DNA2: variants seen among roughly 807,000 people sequenced by gnomAD.
DNA2 encodes DNA replication ATP-dependent helicase/nuclease DNA2.
DNA2 carries 101 observed loss-of-function variants against 119.1 expected under a neutral mutation model. The observed-to-expected ratio is 0.85, with a 90% CI of 0.72 to 1.00. The LOEUF is 1.00. Among genes scored for constraint, DNA2 ranks in the 50% least tolerant of loss-of-function variants. DNA2 has a pLI of 0.00. For synonymous variants in DNA2, 366 were observed against 424.4 expected (o/e 0.86, Z 1.69); for missense variants, 1,121 against 1,255.5 (o/e 0.89, Z 1.62).
rs117987877 is a variant in DNA2 at position 68,414,702 on chromosome 10, A to T, written c.*337T>A. Reference sequence around the variant, plus strand: ...ACAAGACTGTGCTTAAATGATGAAAACAAATCAAATCCCTTTATTCAGTCT... The same window carrying T: ...ACAAGACTGTGCTTAAATGATGAAATCAAATCAAATCCCTTTATTCAGTCT... On this transcript the variant is annotated 3_prime_UTR_variant, in exon 21 of 21. Transcript: ENST00000358410. 1.5e-4 allele frequency: 29 copies of T among 197,196 alleles called. No homozygotes were observed. The East Asian group carries it at 3.2e-3, about 21-fold the overall frequency. The allele number at this position is 197,196 out of a possible 1,614,324, so 12.2% of individuals were successfully genotyped here.
intron 1 of DNA2, chr10:68,470,627 A>G (rs1376437122): frequency 2.2e-6 from 1 of 451,658 alleles, no homozygotes. Flanking sequence ...CGGAGAAAAA[A>G]GAAAGGAAAG....
At chr10:68,425,294 C>T (rs2051724357) in intron 14 of DNA2, among the ~76,000 whole-genome samples, 2 of 151,298 alleles carry the variant, frequency 1.3e-5, no homozygotes, top group South Asian at 4.2e-4. Context: ...CAGGGTTTCA[C>T]TATGTTGGCC....
At chr10:68,467,699 C>T (rs774216800) in intron 3 of DNA2, among the ~76,000 whole-genome samples, 2 of 152,130 alleles carry the variant, frequency 1.3e-5, no homozygotes, top group South Asian at 2.1e-4. Flanking sequence ...TACAGGTGCA[C>T]GCCACCACAC....
In DNA2 at chr10:68,470,346, A is replaced by C. The variant is rs1024936392; in HGVS notation, c.75-183T>G. The stretch of plus-strand genomic sequence containing the variant: ...GCAAAGACACAGAAGAATTCCTATT[A>C]TAAAAACTTCCCAGAAGTAATGCCA... On this transcript the variant is annotated intron_variant, in intron 1 of 20. Transcript: ENST00000358410. 4 of 545,216 alleles carry C rather than the reference A, an allele frequency of 7.3e-6. No homozygotes were observed. In the African/African-American group the frequency reaches 7.6e-5, roughly 10 times the overall value. 33.8% of individuals were successfully genotyped at this position (545,216 alleles called of 1,614,324 possible). A position where few individuals can be genotyped will look rare whatever the true frequency, so the allele number is the denominator to read the frequency against.
In DNA2 at chr10:68,460,129, CAG is replaced by C. The variant is rs562620886; in HGVS notation, c.588-896_588-895del. Among the ~76,000 whole-genome samples, 55 of 151,276 alleles carry C rather than the reference CAG, an allele frequency of 3.6e-4. 1 individual carries two copies. The South Asian group carries it at 0.011, about 30-fold the overall frequency. ...TCTTTTCTTTTTTTATTTTTTGAGACAGGGTCTCACGCTGTCACCCAGGCTGG... is the reference window on the plus strand; with the variant it reads ...TCTTTTCTTTTTTTATTTTTTGAGACGGTCTCACGCTGTCACCCAGGCTGG... On this transcript the variant is annotated intron_variant, in intron 4 of 20. Coordinates refer to ENST00000358410, the MANE Select transcript of DNA2 (RefSeq NM_001080449.3).
intron 17 of DNA2, among the ~76,000 whole-genome samples, 166 bp from the exon 18 acceptor site, chr10:68,420,058 T>G (rs1352985748): frequency 6.6e-6 from 1 of 152,202 alleles, no homozygotes; most frequent in Non-Finnish European, 1.5e-5. Context: ...ATTAGTCACT[T>G]TCAGAAAGCC....
At position 68,470,160 on chromosome 10, in the gene DNA2, A is replaced by C; in HGVS notation, c.78T>G (p.Phe26Leu). The C allele has an allele frequency of 6.3e-7, 1 of 1,591,624 alleles. No homozygotes were observed. The highest frequency in any genetic ancestry group is 8.5e-7 in the Non-Finnish European group (1 of 1,174,574). ...GAAAGGAAGCTACCACTTTCTTCTG[A>C]AATCTAAAGCACACACATACAAAAC... is the stretch of plus-strand genomic sequence containing the variant. Reference protein sequence around the residue: ...WEEAELPAELFQKKVVASFPR... With the variant: ...WEEAELPAELLQKKVVASFPR... Residue 26 changes from phenylalanine to leucine, a missense_variant, in exon 2 of 21, where the codon TTT (phenylalanine) becomes TTG (leucine). Phe to Leu is a conservative substitution (Grantham distance 22). Transcript: ENST00000358410.
chr10:68,438,092 A>C (rs1386342839), intron 9 of DNA2, among the ~76,000 whole-genome samples: 1 of 152,192 alleles, frequency 6.6e-6, no homozygotes, highest in African/African-American at 2.4e-5. Flanking sequence ...TTGCACCCAC[A>C]GGCTGGGATC....
chr10:68,428,346 C>T (rs920215419), intron 14 of DNA2, among the ~76,000 whole-genome samples: 15 of 151,938 alleles, frequency 9.9e-5, no homozygotes, highest in Admixed American at 9.2e-4. Flanking sequence ...AAAATTGTAT[C>T]GCCACCAAAT....
At chr10:68,428,640 A>T (rs2051774896) in intron 14 of DNA2, among the ~76,000 whole-genome samples, 1 of 152,230 alleles carries the variant, frequency 6.6e-6, no homozygotes, top group Admixed American at 6.5e-5. Flanking sequence ...ACTTGGCAAC[A>T]AAAAGGAACA....
chr10:68,472,075 C>A, upstream of DNA2: 1 of 1,580,356 alleles, frequency 6.3e-7, no homozygotes. Flanking sequence ...GGCTCTGTCC[C>A]CTGCCTTTGC....
chr10:68,430,714 A>G, intron 13 of DNA2, 54 bp from the exon 14 acceptor site: 1 of 1,283,938 alleles, frequency 7.8e-7, no homozygotes, highest in Non-Finnish European at 1.1e-6. Context: ...AATTCCAGAT[A>G]ATTTTTAACA....
intron 8 of DNA2, among the ~76,000 whole-genome samples, 192 bp downstream of exon 8, chr10:68,444,725 CAAAA>C (rs11356540): frequency 5.1e-5 from 6 of 117,908 alleles, no homozygotes; most frequent in Admixed American, 9.2e-5. Flanking sequence ...AAGTCCGTCT[CAAAA>C]AAAAAAAAAA....
chr10:68,448,967 G>GTGTGTGTGTGTGTGTGTAGTAGTTT (rs1491196026), intron 6 of DNA2, among the ~76,000 whole-genome samples: 1 of 94,344 alleles, frequency 1.1e-5, no homozygotes, highest in Non-Finnish European at 1.9e-5. Flanking sequence ...GTGTGTGTGT[G>GTGTGTGTGTGTGTGTGTAGTAGTTT]CGTGTGTGTG....
chr10:68,443,031 T>C lies in DNA2; in HGVS notation c.1301A>G (p.Lys434Arg). Residue 434 changes from lysine to arginine, a missense_variant, in exon 9 of 21, where the codon AAG (lysine) becomes AGG (arginine). Transcript: ENST00000358410. ...PKIEEETQHL[K>R]QTHLEYFSLW... is the part of the protein sequence containing the mutation. ...GCTGAAATATTCTAAGTGTGTTTGC[T>C]TCAGATGCTGGGTTTCTTCTTCTAT... 6.2e-7 allele frequency: 1 copy of C among 1,605,546 alleles called. No individual in the cohort carries two copies. Among genetic ancestry groups the C allele is most frequent in the South Asian group, 1.1e-5 (1 of 89,758 alleles).
intron 19 of DNA2, 47 bp downstream of exon 19, chr10:68,418,987 A>G (rs754433747): frequency 6.6e-7 from 1 of 1,522,962 alleles, no homozygotes. Flanking sequence ...ATTTTTAAAG[A>G]GAGAGAAATG....
At chr10:68,433,561 G>A (rs74756584) in intron 10 of DNA2, among the ~76,000 whole-genome samples, 14,191 of 151,998 alleles carry the variant, frequency 0.093, 975 homozygotes, top group South Asian at 0.24. Context: ...AGAGGGCCTT[G>A]TTCTGTTGCC....
At position 68,415,044 on chromosome 10, in the gene DNA2, C is replaced by A; in HGVS notation, c.3178G>T (p.Glu1060Ter). 6.3e-7 allele frequency: 1 copy of A among 1,575,786 alleles called. No individual in the cohort carries two copies. Among genetic ancestry groups the A allele is most frequent in the South Asian group, 1.2e-5 (1 of 85,992 alleles). ...AAGGCAAGGGAAATAGTGTTTTATT[C>A]TCTTTGAAAGTCACCCAATATGTGG... is the stretch of plus-strand genomic sequence containing the variant. The part of the protein sequence containing the change: ...LCHILGDFQR[E>*] Residue 1060 changes from glutamate (E) to a stop codon, truncating the protein, a stop_gained, in exon 21 of 21, where the codon GAA becomes TAA. Coordinates refer to ENST00000358410, the MANE Select transcript of DNA2 (RefSeq NM_001080449.3). LOFTEE classifies it high-confidence loss of function.
intron 20 of DNA2, 76 bp downstream of exon 20, chr10:68,416,633 G>A: frequency 7.0e-7 from 1 of 1,435,410 alleles, no homozygotes; most frequent in Non-Finnish European, 9.7e-7. Flanking sequence ...CATAGTGAGA[G>A]CTTTAATTTA....
Sources: allele counts gnomAD v4.1 joint callset (sites outside exome capture counted in the v4.1 genomes callset), GRCh38; gene constraint gnomAD v4.1.1; transcripts MANE v1.5; gene names NCBI Gene and HGNC (gene_info 2026-07-23, HGNC 2026-07-21).